NOC3L: variants seen among roughly 807,000 people sequenced by gnomAD.
NOC3L encodes NOC3 like DNA replication regulator, also known as nucleolar complex protein 3 homolog.
NOC3L carries 85 observed loss-of-function variants against 102.5 expected under a neutral mutation model. The ratio of observed to expected loss-of-function variants is 0.83; its 90% CI spans 0.70 to 0.99. The LOEUF is 0.99. Among genes scored for constraint, NOC3L ranks in the 50% least tolerant of loss-of-function variants. NOC3L has a pLI of 0.00. For missense variants in NOC3L, 878 were observed against 914.9 expected, an observed-to-expected ratio of 0.96 and a Z score of 0.52; for synonymous variants, 303 against 309.4, an observed-to-expected ratio of 0.98 and a Z score of 0.22.
At chr10:94,356,449 C>T in intron 5 of NOC3L, 86 bp downstream of exon 5, 2 of 823,322 alleles carry the variant, frequency 2.4e-6, no homozygotes, top group Admixed American at 3.8e-5. Context: ...AATGTACCTT[C>T]CAGATTTCAT....
chr10:94,357,529 T>A, intron 3 of NOC3L, 198 bp from the exon 4 acceptor site: 1 of 390,558 alleles, frequency 2.6e-6, no homozygotes, highest in East Asian at 3.9e-5. Flanking sequence ...CAACCTACCA[T>A]ACAAACTCAA....
At position 94,339,755 on chromosome 10, in the gene NOC3L, G is replaced by T. The variant is rs1208654457; in HGVS notation, c.1946C>A (p.Thr649Asn). Residue 649 changes from threonine to asparagine, a missense_variant, in exon 17 of 21, where the codon ACC becomes AAC. Coordinates refer to ENST00000371361, the MANE Select transcript of NOC3L (RefSeq NM_022451.11). Reference protein sequence around the residue: ...PNSSIGILATTRILMHTFPKT... With the variant: ...PNSSIGILATNRILMHTFPKT... ...ACTACTTACATGCATTAATATTCTG[G>T]TAGTTGCTAAAATGCCAATACTTGA... is the stretch of plus-strand genomic sequence containing the variant. 1 of 1,613,708 alleles carries T rather than the reference G, an allele frequency of 6.2e-7. No individual in the cohort carries two copies. The highest frequency in any genetic ancestry group is 1.1e-5 in the South Asian group (1 of 91,012).
chr10:94,323,664 G>T, the NOC3L span, among the ~76,000 whole-genome samples: 75 of 152,262 alleles, frequency 4.9e-4, no homozygotes, highest in Admixed American at 1.4e-3. Context: ...TTACTTAAGG[G>T]TTACTTGCTG....
In NOC3L at chr10:94,358,165, C is replaced by T. The variant is rs1481885287; in HGVS notation, c.268G>A (p.Asp90Asn). Residue 90 changes from aspartate (D) to asparagine (N), a missense_variant, in exon 3 of 21, where the codon GAT becomes AAT. Physicochemically the swap from Asp to Asn is conservative, Grantham distance 23. Transcript: ENST00000371361. ...TGTAAGTCATCTTCATCCATCATAT[C>T]TAAAGGAAGGGCTTCTTCTTCTTCC... is the stretch of plus-strand genomic sequence containing the variant. Reference protein sequence around the residue: ...EEEEEEALPLDMMDEDDLQLM... With the variant: ...EEEEEEALPLNMMDEDDLQLM... 1 of 1,610,370 alleles carries T rather than the reference C, an allele frequency of 6.2e-7. No individual in the cohort carries two copies. Among genetic ancestry groups the T allele is most frequent in the African/African-American group, 1.3e-5 (1 of 74,850 alleles).
the NOC3L span, chr10:94,322,171 C>T: frequency 1.0e-6 from 1 of 993,856 alleles, no homozygotes; most frequent in Non-Finnish European, 1.6e-6. Context: ...ACAACAGGGA[C>T]CTCAAAGGGG....
chr10:94,337,795 T>G lies in NOC3L; in HGVS notation c.2171A>C (p.Lys724Thr), dbSNP rs1395986976. 1 of 1,613,124 alleles carries G rather than the reference T, an allele frequency of 6.2e-7. No individual in the cohort carries two copies. The highest frequency in any genetic ancestry group is 8.5e-7 in the Non-Finnish European group (1 of 1,179,232). The change falls in exon 19 of 21, where the codon AAA becomes ACA. Residue 724 changes from lysine (K) to threonine (T), a missense_variant. Coordinates refer to ENST00000371361, the MANE Select transcript of NOC3L (RefSeq NM_022451.11). Reference sequence around the variant, plus strand: ...ATATTACCTTCGACTCAACTCTGGTTTGAGTGCTCCAGAGCCTTCAGAAGG... The same window carrying G: ...ATATTACCTTCGACTCAACTCTGGTGTGAGTGCTCCAGAGCCTTCAGAAGG... Reference protein sequence around the residue: ...GAPSEGSGALKPELSRRSATE... With the variant: ...GAPSEGSGALTPELSRRSATE...
the NOC3L span, chr10:94,316,862 G>C: frequency 1.3e-6 from 1 of 796,556 alleles, no homozygotes; most frequent in Non-Finnish European, 2.2e-6. Context: ...ATTGCAACTT[G>C]GTTTATATTC....
In NOC3L at chr10:94,333,513, G is replaced by T. The variant is rs563844311; in HGVS notation, c.*664C>A. On this transcript the variant is annotated 3_prime_UTR_variant, in exon 21 of 21. Transcript: ENST00000371361. ...CTTCCCCAGTCACCCTCCAGGGAAT[G>T]TCAGAAAACGTGAAGAACTTTAGAG... is the stretch of plus-strand genomic sequence containing the variant. 2.0e-5 allele frequency: 3 copies of T among 152,242 alleles called. No individual in the cohort carries two copies. The highest frequency in any genetic ancestry group is 1.3e-4 in the Admixed American group (2 of 15,298). 9.4% of individuals were successfully genotyped at this position (152,242 alleles called of 1,614,324 possible).
At chr10:94,340,913 G>A (rs901926713) in intron 14 of NOC3L, among the ~76,000 whole-genome samples, 2 of 151,246 alleles carry the variant, frequency 1.3e-5, no homozygotes, top group African/African-American at 2.4e-5. Context: ...CCCGGGAGGC[G>A]GAGCTTGCAG....
the NOC3L span, among the ~76,000 whole-genome samples, chr10:94,320,667 T>C: frequency 6.6e-5 from 10 of 152,170 alleles, no homozygotes; most frequent in Non-Finnish European, 1.2e-4. Context: ...TGAGATGAGG[T>C]TGTCTACTGT....
At position 94,338,137 on chromosome 10, in the gene NOC3L, T is replaced by C. The variant is rs118119386; in HGVS notation, c.2092-263A>G. Among the ~76,000 whole-genome samples the C allele has an allele frequency of 1.9e-3, 287 of 152,336 alleles. 1 individual carries two copies. Among genetic ancestry groups the C allele is most frequent in the Admixed American group, 3.5e-3 (53 of 15,300 alleles). On this transcript the variant is annotated intron_variant, in intron 18 of 20. Coordinates refer to ENST00000371361, the MANE Select transcript of NOC3L (RefSeq NM_022451.11). ...TAGAAAAATCAAAAAGCAATTCCTC[T>C]TTCAGAGTGAAAAAAGTTAATTTAC... is the stretch of plus-strand genomic sequence containing the variant.
intron 10 of NOC3L, among the ~76,000 whole-genome samples, chr10:94,348,869 T>C (rs1005618710): frequency 6.6e-6 from 1 of 152,068 alleles, no homozygotes; most frequent in African/African-American, 2.4e-5. Flanking sequence ...AGCAAAAATC[T>C]AGAAAAAACT....
downstream of NOC3L, chr10:94,329,308 C>T (rs1384561381): frequency 2.0e-5 from 3 of 152,106 alleles, no homozygotes; most frequent in Non-Finnish European, 4.4e-5. Context: ...AATATGTATT[C>T]CTCTAAAACC....
the NOC3L span, chr10:94,327,925 T>G: frequency 1.9e-6 from 1 of 517,678 alleles, no homozygotes; most frequent in South Asian, 1.5e-5. Flanking sequence ...TTCTGTTTCT[T>G]CATTTTCAGT....
At chr10:94,362,381 T>C (rs775234327) in intron 1 of NOC3L, among the ~76,000 whole-genome samples, 2 of 152,196 alleles carry the variant, frequency 1.3e-5, no homozygotes, top group Non-Finnish European at 2.9e-5. Context: ...ATTCCACTTC[T>C]CTTGCTGGTG....
chr10:94,329,789 A>AAAC (rs2054135951), downstream of NOC3L: 4 of 124,950 alleles, frequency 3.2e-5, no homozygotes, highest in Non-Finnish European at 7.1e-5. Flanking sequence ...AAAAAAAAAA[A>AAAC]AAAAAAAAAA....
chr10:94,315,026 T>C, the NOC3L span: 2 of 169,246 alleles, frequency 1.2e-5, no homozygotes, highest in African/African-American at 4.8e-5. Flanking sequence ...GTCCATTGCT[T>C]TACTGTCACC....
intron 10 of NOC3L, 66 bp downstream of exon 10, chr10:94,349,184 C>T: frequency 6.6e-7 from 1 of 1,516,064 alleles, no homozygotes; most frequent in Non-Finnish European, 8.8e-7. Context: ...ATAAATTCCT[C>T]ATAACAACTG....
chr10:94,356,469 A>C, intron 5 of NOC3L, 66 bp downstream of exon 5: 1 of 918,124 alleles, frequency 1.1e-6, no homozygotes, highest in Non-Finnish European at 1.8e-6. Flanking sequence ...TCTAAAATTA[A>C]CTCACATTTA....
Sources: allele counts gnomAD v4.1 joint callset (sites outside exome capture counted in the v4.1 genomes callset), GRCh38; gene constraint gnomAD v4.1.1; transcripts MANE v1.5; gene names NCBI Gene and HGNC (gene_info 2026-07-23, HGNC 2026-07-21).